Variants in CSMD2 observed in about 807,000 individuals in gnomAD.
CSMD2 encodes the protein CUB and sushi domain-containing protein 2.
In CSMD2, 130 loss-of-function variants were observed where a neutral mutation model predicts 398.5. That is an observed-to-expected ratio of 0.33 (90% CI 0.28 to 0.38). The LOEUF is 0.38. Among genes scored for constraint, CSMD2 ranks in the 10% least tolerant of loss-of-function variants. CSMD2 has a pLI of 1.00. For missense variants in CSMD2, 3,829 were observed against 4,764.9 expected, an observed-to-expected ratio of 0.80 and a Z score of 5.78; for synonymous variants, 1,828 against 1,908.5, an observed-to-expected ratio of 0.96 and a Z score of 1.10.
intron 1 of CSMD2, among the ~76,000 whole-genome samples, chr1:34,126,416 C>G (rs1243549468): frequency 1.3e-5 from 2 of 152,196 alleles, no homozygotes; most frequent in African/African-American, 4.8e-5. Context: ...GGATCCTTGC[C>G]CATGAGCACA....
intron 3 of CSMD2, among the ~76,000 whole-genome samples, chr1:33,967,053 C>T (rs1346392609): frequency 2.0e-5 from 3 of 152,118 alleles, no homozygotes; most frequent in Non-Finnish European, 4.4e-5. Context: ...TTATTCATCA[C>T]GATTCTATTT....
At chr1:33,774,238 T>C (rs1651674479) in intron 12 of CSMD2, among the ~76,000 whole-genome samples, 1 of 151,940 alleles carries the variant, frequency 6.6e-6, no homozygotes, top group Admixed American at 6.6e-5. Flanking sequence ...TCAAATCAAA[T>C]GTAAGTCAGC....
In CSMD2 at chr1:33,546,030, A is replaced by G. The variant is rs1656850338; in HGVS notation, c.9100+7T>C. 1 of 1,607,800 alleles carries G rather than the reference A, an allele frequency of 6.2e-7. No homozygotes were observed. Among genetic ancestry groups the G allele is most frequent in the African/African-American group, 1.3e-5 (1 of 74,834 alleles). ...AAGGGGAGAAGCAGAATGGTCACAT[A>G]CATTACCTCCACACTCAGGCTGCGA... On this transcript the variant is annotated splice_region_variant and intron_variant, in intron 57 of 70. Transcript: ENST00000373381.
At chr1:34,137,288 G>C (rs561455934) in intron 1 of CSMD2, among the ~76,000 whole-genome samples, 1 of 107,800 alleles carries the variant, frequency 9.3e-6, no homozygotes, top group East Asian at 2.2e-4. Context: ...GGCCCAGTGA[G>C]TATAAGAAAA....
intron 32 of CSMD2, among the ~76,000 whole-genome samples, chr1:33,630,925 A>T (rs1329448966): frequency 6.6e-6 from 1 of 152,202 alleles, no homozygotes; most frequent in Non-Finnish European, 1.5e-5. Context: ...TTGGAGGTGA[A>T]TACATCGCTG....
At chr1:33,933,451 A>G (rs1644374121) in intron 4 of CSMD2, among the ~76,000 whole-genome samples, 1 of 152,242 alleles carries the variant, frequency 6.6e-6, no homozygotes, top group Admixed American at 6.5e-5. Flanking sequence ...TTTATCTTGA[A>G]CAAAATAGCA....
chr1:33,557,655 C>CACACAT, intron 55 of CSMD2, 79 bp downstream of exon 55: 1 of 1,062,754 alleles, frequency 9.4e-7, no homozygotes, highest in Non-Finnish European at 1.3e-6. Context: ...CACACACACA[C>CACACAT]ACACATGCAC....
intron 1 of CSMD2, among the ~76,000 whole-genome samples, chr1:34,159,080 T>TTGTCTCATCAGCTCTGAC (rs1366418495): frequency 2.0e-5 from 3 of 152,164 alleles, no homozygotes; most frequent in Non-Finnish European, 4.4e-5. Context: ...CTGCCTCTGA[T>TTGTCTCATCAGCTCTGAC]TGTCTCATCA....
intron 10 of CSMD2, among the ~76,000 whole-genome samples, chr1:33,802,058 T>C (rs941836159): frequency 6.6e-6 from 1 of 152,174 alleles, no homozygotes; most frequent in African/African-American, 2.4e-5. Flanking sequence ...TTTTAAAGTG[T>C]CTCCAAGGCA....
intron 25 of CSMD2, among the ~76,000 whole-genome samples, chr1:33,664,797 C>T (rs1182661473): frequency 2.0e-5 from 3 of 150,600 alleles, no homozygotes; most frequent in South Asian, 4.2e-4. Flanking sequence ...AGCGAGACTC[C>T]GTCTCAAAAA....
chr1:34,164,043 G>C lies in CSMD2; in HGVS notation c.187+868C>G, dbSNP rs891344984. Among the ~76,000 whole-genome samples, 2 of 152,094 alleles carry C rather than the reference G, an allele frequency of 1.3e-5. No homozygotes were observed. The highest frequency in any genetic ancestry group is 6.5e-5 in the Admixed American group (1 of 15,276). On this transcript the variant is annotated intron_variant, in intron 1 of 70. Transcript: ENST00000373381. The surrounding 1 kb of genome is among the most constrained non-coding windows in gnomAD (Gnocchi z 6.2). ...CTGCCCCTTCCCGGACTCGGTCGTC[G>C]GGAGCTGGTCCCGCCGCCCGCGCCG...
intron 2 of CSMD2, among the ~76,000 whole-genome samples, chr1:34,045,720 T>C (rs1229634933): frequency 6.6e-6 from 1 of 152,108 alleles, no homozygotes; most frequent in Non-Finnish European, 1.5e-5. Flanking sequence ...GGTCTAAAAA[T>C]AGGGGAGAAG....
chr1:34,003,468 C>T (rs566737024), intron 3 of CSMD2, among the ~76,000 whole-genome samples: 1 of 152,296 alleles, frequency 6.6e-6, no homozygotes, highest in East Asian at 1.9e-4. Context: ...GCCCAGACTG[C>T]AGGCGCTGAG....
At chr1:33,891,148 C>A (rs1641983515) in intron 5 of CSMD2, among the ~76,000 whole-genome samples, 1 of 151,082 alleles carries the variant, frequency 6.6e-6, no homozygotes, top group Non-Finnish European at 1.5e-5. Context: ...GCAACCTACT[C>A]ATCTGACAAA....
At position 33,667,867 on chromosome 1, in the gene CSMD2, G is replaced by A. The variant is rs1004314437; in HGVS notation, c.4053-4775C>T. Among the ~76,000 whole-genome samples, 13 of 152,292 alleles carry A rather than the reference G, an allele frequency of 8.5e-5. No homozygotes were observed. The East Asian group carries it at 1.4e-3, about 16-fold the overall frequency. On this transcript the variant is annotated intron_variant, in intron 25 of 70. Transcript: ENST00000373381. ...ATTCACTTAAGCGCCTCCCATATGC[G>A]GGGTGCTGCTGTATAACAGTGAAGA...
At chr1:34,061,967 C>T (rs913623142) in intron 2 of CSMD2, among the ~76,000 whole-genome samples, 1 of 152,174 alleles carries the variant, frequency 6.6e-6, no homozygotes, top group Admixed American at 6.5e-5. Context: ...AGGGTAATTG[C>T]TTCAAGCCTC....
At chr1:33,655,817 G>A (rs1643928672) in intron 27 of CSMD2, among the ~76,000 whole-genome samples, 2 of 152,216 alleles carry the variant, frequency 1.3e-5, no homozygotes, top group South Asian at 4.1e-4. Context: ...TCTGTTGCCT[G>A]AGGAACATTT....
intron 15 of CSMD2, among the ~76,000 whole-genome samples, chr1:33,731,973 G>A (rs1485199750): frequency 1.3e-5 from 2 of 152,106 alleles, no homozygotes; most frequent in African/African-American, 4.8e-5. Flanking sequence ...AACAAAATAG[G>A]CCATGAGTTT....
chr1:34,049,065 G>T (rs866710586), intron 2 of CSMD2, among the ~76,000 whole-genome samples: 14 of 152,298 alleles, frequency 9.2e-5, no homozygotes, highest in Middle Eastern at 3.4e-3. Context: ...TTTTTGCTCA[G>T]GCTGGGACTG....
Sources: allele counts gnomAD v4.1 joint callset (sites outside exome capture counted in the v4.1 genomes callset), GRCh38; gene constraint gnomAD v4.1.1; non-coding constraint Gnocchi (gnomAD v3.1); transcripts MANE v1.5; gene names NCBI Gene and HGNC (gene_info 2026-07-23, HGNC 2026-07-21).